The following TMEM17 variants were observed in gnomAD, a reference collection of about 807,000 sequenced individuals.
The protein encoded by TMEM17 is transmembrane protein 17.
A neutral mutation model predicts 19.1 loss-of-function variants in TMEM17; 15 were observed. The ratio of observed to expected loss-of-function variants is 0.78; its 90% CI spans 0.52 to 1.21. TMEM17 has a LOEUF of 1.21. Ranked by LOEUF, TMEM17 falls within the 50% of genes most tolerant of loss-of-function variation. TMEM17 has a pLI of 0.00. For missense variants in TMEM17, 245 were observed against 242.3 expected, an observed-to-expected ratio of 1.01 and a Z score of -0.07; for synonymous variants, 103 against 86.9, an observed-to-expected ratio of 1.19 and a Z score of -1.03.
chr2:62,468,003 C>T, the TMEM17 span, among the ~76,000 whole-genome samples: 1 of 151,964 alleles, frequency 6.6e-6, no homozygotes, highest in Admixed American at 6.5e-5. Flanking sequence ...TCAGCATGCC[C>T]TCTGCTGGGT....
At chr2:62,482,286 G>C in the TMEM17 span, among the ~76,000 whole-genome samples, 1 of 152,192 alleles carries the variant, frequency 6.6e-6, no homozygotes, top group Non-Finnish European at 1.5e-5. Context: ...CAAAATAATA[G>C]TAAATTATTG....
the TMEM17 span, among the ~76,000 whole-genome samples, chr2:62,485,613 A>T: frequency 6.6e-6 from 1 of 152,218 alleles, no homozygotes; most frequent in Admixed American, 6.5e-5. Context: ...TTAATATAAG[A>T]TACAGGTTCT....
At chr2:62,499,481 G>A (rs1031979238), downstream of TMEM17, among the ~76,000 whole-genome samples, 2 of 152,142 alleles carry the variant, frequency 1.3e-5, no homozygotes, top group African/African-American at 2.4e-5. Context: ...AGTAAAACTG[G>A]TGACTACTTT....
the TMEM17 span, among the ~76,000 whole-genome samples, chr2:62,474,278 G>A: frequency 6.6e-6 from 1 of 152,192 alleles, no homozygotes; most frequent in Admixed American, 6.5e-5. Context: ...GGAAAATTGT[G>A]TGGAGAGGGA....
Position 62,501,226 on chromosome 2 carries a change from A to G in TMEM17, c.580T>C (p.Cys194Arg). ...NRGDMRRMRS[C>R]IEEI ...ACACTGGATCAGATCTCTTCTATAC[A>G]TGACCTCATCCTTCTCATGTCTCCT... The change falls in exon 4 of 4, where the codon TGT becomes CGT. Residue 194 changes from cysteine to arginine, a missense_variant. Coordinates refer to ENST00000335390, the MANE Select transcript of TMEM17 (RefSeq NM_198276.3). 2 of 1,614,196 alleles carry G rather than the reference A, an allele frequency of 1.2e-6. No individual in the cohort carries two copies. Among genetic ancestry groups the G allele is most frequent in the Non-Finnish European group, 1.7e-6 (2 of 1,180,026 alleles).
At chr2:62,491,899 T>G in the TMEM17 span, among the ~76,000 whole-genome samples, 1 of 147,456 alleles carries the variant, frequency 6.8e-6, no homozygotes, top group African/African-American at 2.5e-5. Flanking sequence ...TCTGAGTTAG[T>G]GAAATTCCAA....
At chr2:62,503,848 G>C (rs1006288580) in intron 1 of TMEM17, among the ~76,000 whole-genome samples, 1 of 152,192 alleles carries the variant, frequency 6.6e-6, no homozygotes, top group Non-Finnish European at 1.5e-5. Flanking sequence ...GACATTACTA[G>C]CATAGCCATT....
intron 1 of TMEM17, among the ~76,000 whole-genome samples, chr2:62,505,635 C>A (rs889637884): frequency 1.3e-5 from 2 of 152,208 alleles, no homozygotes; most frequent in Admixed American, 1.3e-4. Context: ...GGGGCGGGCG[C>A]CGCAGAGGCA....
At chr2:62,462,325 T>C in the TMEM17 span, among the ~76,000 whole-genome samples, 1 of 152,050 alleles carries the variant, frequency 6.6e-6, no homozygotes, top group Admixed American at 6.5e-5. Flanking sequence ...GGAAGAGCCC[T>C]GAAACCAGCA....
chr2:62,462,741 C>T, the TMEM17 span, among the ~76,000 whole-genome samples: 2 of 152,144 alleles, frequency 1.3e-5, no homozygotes, highest in Non-Finnish European at 2.9e-5. Context: ...TGATTATAAT[C>T]AATAAAGCCC....
the TMEM17 span, chr2:62,462,984 A>T: frequency 2.0e-5 from 3 of 152,186 alleles, no homozygotes; most frequent in African/African-American, 7.2e-5. Flanking sequence ...TGGGCTGGGA[A>T]AAAGGAAAGA....
chr2:62,487,289 C>T, the TMEM17 span, among the ~76,000 whole-genome samples: 9 of 152,274 alleles, frequency 5.9e-5, no homozygotes, highest in East Asian at 3.9e-4. Flanking sequence ...CATAGCTGGT[C>T]GGGCCTTTCT....
chr2:62,483,027 CT>C, the TMEM17 span, among the ~76,000 whole-genome samples: 238 of 152,294 alleles, frequency 1.6e-3, 3 homozygotes, highest in Admixed American at 0.012. Context: ...TTCAATTCTT[CT>C]GAAGAAAATG....
At position 62,501,284 on chromosome 2, in the gene TMEM17, G is replaced by T. The variant is rs1207267812; in HGVS notation, c.522C>A (p.His174Gln). The change falls in exon 4 of 4, where the codon CAC becomes CAA. Residue 174 changes from histidine (H) to glutamine (Q), a missense_variant. His to Gln is a conservative substitution (Grantham distance 24, BLOSUM62 0). Coordinates refer to ENST00000335390, the MANE Select transcript of TMEM17 (RefSeq NM_198276.3). ...CAGAGAGCCGGTCAAAGTCTTGGAG[G>T]TGGAAACGAACTGCCAACTGATTAA... ...KMVNQLAVRF[H>Q]LQDFDRLSAN... 1 of 1,614,212 alleles carries T rather than the reference G, an allele frequency of 6.2e-7. No homozygotes were observed. The highest frequency in any genetic ancestry group is 8.5e-7 in the Non-Finnish European group (1 of 1,180,032).
chr2:62,455,507 C>T, the TMEM17 span, among the ~76,000 whole-genome samples: 2 of 152,236 alleles, frequency 1.3e-5, no homozygotes, highest in Non-Finnish European at 2.9e-5. Flanking sequence ...TGGCTCACGC[C>T]TGTAATCCCA....
At chr2:62,497,633 T>C (rs574200969), downstream of TMEM17, among the ~76,000 whole-genome samples, 3 of 152,240 alleles carry the variant, frequency 2.0e-5, no homozygotes, top group Admixed American at 6.5e-5. Flanking sequence ...CCCACCACAC[T>C]GCTATCACTG....
chr2:62,494,746 G>A, the TMEM17 span, among the ~76,000 whole-genome samples: 1 of 152,294 alleles, frequency 6.6e-6, no homozygotes, highest in Middle Eastern at 3.4e-3. Flanking sequence ...GCTCACACCT[G>A]TAATCCCAGC....
the TMEM17 span, among the ~76,000 whole-genome samples, chr2:62,468,698 A>G: frequency 6.6e-6 from 1 of 152,218 alleles, no homozygotes; most frequent in Non-Finnish European, 1.5e-5. Flanking sequence ...TTCAGCTGAT[A>G]AGCAGACAGT....
At chr2:62,474,170 T>C in the TMEM17 span, among the ~76,000 whole-genome samples, 1 of 152,192 alleles carries the variant, frequency 6.6e-6, no homozygotes, top group Non-Finnish European at 1.5e-5. Context: ...TTGTTTTGAA[T>C]AAAACTGAAG....
Sources: allele counts gnomAD v4.1 joint callset (sites outside exome capture counted in the v4.1 genomes callset), GRCh38; gene constraint gnomAD v4.1.1; transcripts MANE v1.5; gene names NCBI Gene and HGNC (gene_info 2026-07-23, HGNC 2026-07-21).